The following SNX24 variants were observed in gnomAD, a reference collection of about 807,000 sequenced individuals.
The protein encoded by SNX24 is sorting nexin 24, also known as sorting nexin-24.
In SNX24, 22 loss-of-function variants were observed where a neutral mutation model predicts 28.7. The ratio of observed to expected loss-of-function variants is 0.77; its 90% CI spans 0.55 to 1.10. SNX24 has a LOEUF of 1.10. Ranked by LOEUF, SNX24 falls within the 50% of genes least tolerant of loss-of-function variation. The pLI is 0.00. For missense variants in SNX24, 221 were observed against 201.1 expected, an observed-to-expected ratio of 1.10 and a Z score of -0.60; for synonymous variants, 69 against 71.5, an observed-to-expected ratio of 0.96 and a Z score of 0.18.
chr5:122,994,205 G>C (rs534632015), intron 3 of SNX24, among the ~76,000 whole-genome samples: 35 of 152,194 alleles, frequency 2.3e-4, no homozygotes, highest in African/African-American at 5.8e-4. Flanking sequence ...TTGGCTGCTG[G>C]GTAGGTTTGG....
intron 5 of SNX24, among the ~76,000 whole-genome samples, chr5:123,018,452 T>C (rs1581868262): frequency 6.6e-6 from 1 of 152,262 alleles, no homozygotes; most frequent in East Asian, 1.9e-4. Context: ...GACATAATGT[T>C]ACCACCTCGG....
At chr5:122,905,114 G>A (rs1422208112) in intron 1 of SNX24, among the ~76,000 whole-genome samples, 2 of 152,220 alleles carry the variant, frequency 1.3e-5, no homozygotes, top group Non-Finnish European at 2.9e-5. Flanking sequence ...CACTCCAGCT[G>A]TGTAGATGTG....
chr5:122,845,613 A>C lies in SNX24; in HGVS notation c.-21A>C. 2 of 1,371,780 alleles carry C rather than the reference A, an allele frequency of 1.5e-6. No homozygotes were observed. The highest frequency in any genetic ancestry group is 2.7e-5 in the Admixed American group (1 of 37,008). 85.0% of individuals were successfully genotyped at this position (1,371,780 alleles called of 1,614,324 possible). A position where few individuals can be genotyped will look rare whatever the true frequency, so the allele number is the denominator to read the frequency against. The stretch of plus-strand genomic sequence containing the variant: ...GTGAGCCTGCCCCCAACTCGCCCTC[A>C]GCCGGCTGGCCGGCGCGGCCATGGA... On this transcript the variant is annotated 5_prime_UTR_variant, in exon 1 of 7. Transcript: ENST00000261369.
At chr5:122,886,378 TCTC>T (rs1756714399) in intron 1 of SNX24, among the ~76,000 whole-genome samples, 1 of 152,216 alleles carries the variant, frequency 6.6e-6, no homozygotes, top group South Asian at 2.1e-4. Flanking sequence ...TGTCTCTCTC[TCTC>T]CTCTCTTCTA....
At chr5:122,863,898 G>A (rs183919393) in intron 1 of SNX24, among the ~76,000 whole-genome samples, 1 of 150,306 alleles carries the variant, frequency 6.7e-6, no homozygotes, top group African/African-American at 2.5e-5. Context: ...GAGGAGCGAC[G>A]TGATTCAGTG....
intron 1 of SNX24, among the ~76,000 whole-genome samples, chr5:122,930,329 G>T (rs577821714): frequency 6.6e-6 from 1 of 152,080 alleles, no homozygotes; most frequent in Admixed American, 6.5e-5. Flanking sequence ...GAGTTTTCCC[G>T]CAAACTGAGA....
At chr5:122,928,002 A>C (rs944683637) in intron 1 of SNX24, among the ~76,000 whole-genome samples, 3 of 151,802 alleles carry the variant, frequency 2.0e-5, no homozygotes, top group Non-Finnish European at 4.4e-5. Flanking sequence ...TCATTCTCTC[A>C]CTTTCTCCCT....
chr5:122,869,386 CGTT>C (rs1366736128), intron 1 of SNX24, among the ~76,000 whole-genome samples: 1 of 152,140 alleles, frequency 6.6e-6, no homozygotes, highest in Non-Finnish European at 1.5e-5. Flanking sequence ...AGATTTCTGA[CGTT>C]GATTCAGATA....
In SNX24 at chr5:123,020,300, G is replaced by GA. The variant is rs569194352; in HGVS notation, n.384-8932dup. On this transcript the variant is annotated intron_variant and non_coding_transcript_variant, in intron 5 of 5. Transcript: ENST00000502387. ...GTACCCTAGAGAAAAATTAAAAACT[G>GA]AAAAAAGTAAAACTATAGTTAAAAA... 2.2e-3 allele frequency among the ~76,000 whole-genome samples: 329 copies of GA among 152,248 alleles called. 1 individual carries two copies. Among genetic ancestry groups the GA allele is most frequent in the African/African-American group, 7.7e-3 (320 of 41,564 alleles).
At position 123,008,991 on chromosome 5, in the gene SNX24, A is replaced by G. The variant is rs1762505578; in HGVS notation, c.*1242A>G. On this transcript the variant is annotated 3_prime_UTR_variant, in exon 7 of 7. Transcript: ENST00000261369. ...ATTTAAAATCAAAACTAATAACTAC[A>G]TCATGGTTTTTGATTAGGATCTAAA... is the stretch of plus-strand genomic sequence containing the variant. 1.0e-6 allele frequency: 1 copy of G among 985,788 alleles called. No individual in the cohort carries two copies. The highest frequency in any genetic ancestry group is 5.2e-4 in the Middle Eastern group (1 of 1,914). The allele number at this position is 985,788 out of a possible 1,614,324, so 61.1% of individuals were successfully genotyped here.
At chr5:122,902,325 C>T (rs1009260070) in intron 1 of SNX24, among the ~76,000 whole-genome samples, 2 of 152,120 alleles carry the variant, frequency 1.3e-5, no homozygotes, top group African/African-American at 4.8e-5. Flanking sequence ...GGGATGGCAC[C>T]AGGTTCAAGA....
chr5:123,029,225 C>T, intron 5 of SNX24: 1 of 1,609,102 alleles, frequency 6.2e-7, no homozygotes, highest in Non-Finnish European at 8.5e-7. Flanking sequence ...TAATTTAATA[C>T]TTATTTTCTC....
At chr5:123,028,612 A>G (rs1762897135) in intron 5 of SNX24, 2 of 529,992 alleles carry the variant, frequency 3.8e-6, no homozygotes, top group Non-Finnish European at 6.7e-6. Context: ...ACCTGTCGAG[A>G]TGCTGCTAGA....
intron 3 of SNX24, among the ~76,000 whole-genome samples, chr5:122,959,389 T>A (rs576134654): frequency 6.7e-6 from 1 of 150,360 alleles, no homozygotes; most frequent in African/African-American, 2.4e-5. Flanking sequence ...ATATATATAA[T>A]AAAAAATACA....
chr5:122,958,783 C>T (rs1760332132), intron 3 of SNX24, among the ~76,000 whole-genome samples: 1 of 151,748 alleles, frequency 6.6e-6, no homozygotes, highest in Non-Finnish European at 1.5e-5. Flanking sequence ...TGGTCTCAGA[C>T]TCCTGAGCTC....
At chr5:122,896,673 T>C (rs1286625976) in intron 1 of SNX24, among the ~76,000 whole-genome samples, 3 of 152,206 alleles carry the variant, frequency 2.0e-5, no homozygotes, top group African/African-American at 7.2e-5. Context: ...CAATACCATA[T>C]GTACTGTCGG....
chr5:122,945,360 A>G (rs1759637860), intron 2 of SNX24, among the ~76,000 whole-genome samples: 1 of 152,194 alleles, frequency 6.6e-6, no homozygotes, highest in African/African-American at 2.4e-5. Flanking sequence ...CATCCACAGG[A>G]TTAGGATTTG....
chr5:123,009,209 T>G (rs912406204), downstream of SNX24: 1 of 984,944 alleles, frequency 1.0e-6, no homozygotes. Context: ...AAGGAAACAT[T>G]TGAGTTTGTC....
intron 3 of SNX24, among the ~76,000 whole-genome samples, chr5:122,988,025 G>A (rs1761677920): frequency 6.6e-6 from 1 of 152,122 alleles, no homozygotes; most frequent in Non-Finnish European, 1.5e-5. Flanking sequence ...TCAGGAAAAA[G>A]GAGCATGCCT....
Sources: gnomAD v4.1 joint callset for allele counts (sites outside exome capture counted in the v4.1 genomes callset) on GRCh38, gnomAD v4.1.1 for gene constraint, MANE v1.5 for transcripts, NCBI Gene and HGNC (gene_info 2026-07-23, HGNC 2026-07-21) for gene names.